POM121C: variants seen among roughly 807,000 people sequenced by gnomAD.
The protein encoded by POM121C is nuclear envelope pore membrane protein POM 121C.
A neutral mutation model predicts 66.4 loss-of-function variants in POM121C; 20 were observed. The ratio of observed to expected loss-of-function variants is 0.30; its 90% CI spans 0.21 to 0.44. POM121C has a LOEUF of 0.44. POM121C is among the 20% of genes least tolerant of loss of function. POM121C has a pLI of 1.00. For synonymous variants in POM121C, 286 were observed against 528.0 expected, an observed-to-expected ratio of 0.54 and a Z score of 6.28; for missense variants, 580 against 1,225.7, an observed-to-expected ratio of 0.47 and a Z score of 7.87.
intron 7 of POM121C, among the ~76,000 whole-genome samples, chr7:75,433,440 C>A (rs1554472637): frequency 6.6e-6 from 1 of 151,892 alleles, no homozygotes; most frequent in Non-Finnish European, 1.5e-5. Context: ...ACTGCAAGCT[C>A]CGCCTCCCGG....
intron 3 of POM121C, among the ~76,000 whole-genome samples, chr7:75,464,054 TC>T (rs1791538080): frequency 7.0e-6 from 1 of 143,248 alleles, no homozygotes; most frequent in Non-Finnish European, 1.5e-5. Context: ...GAGGTGTGAG[TC>T]ACTGTGCCTG....
At chr7:75,428,670 A>G (rs1790053889) in intron 7 of POM121C, among the ~76,000 whole-genome samples, 1 of 152,220 alleles carries the variant, frequency 6.6e-6, no homozygotes. Context: ...CACATCACTG[A>G]GCAAGCAAGG....
intron 5 of POM121C, among the ~76,000 whole-genome samples, chr7:75,439,575 G>A (rs1253142992): frequency 2.0e-5 from 3 of 152,072 alleles, no homozygotes; most frequent in Admixed American, 6.6e-5. Flanking sequence ...TTGTACAGGC[G>A]AGGGCTCCCT....
intron 3 of POM121C, chr7:75,442,648 C>T (rs1359111047): frequency 6.8e-7 from 1 of 1,478,020 alleles, no homozygotes; most frequent in East Asian, 2.8e-5. Flanking sequence ...AGCCCCGGCC[C>T]CGGCCGTCCC....
chr7:75,479,437 G>A (rs587638750), intron 1 of POM121C, among the ~76,000 whole-genome samples: 6 of 148,942 alleles, frequency 4.0e-5, no homozygotes, highest in South Asian at 2.1e-4. Context: ...CCAACATGGC[G>A]AAACCTCGTC....
At position 75,474,839 on chromosome 7, in the gene POM121C, C is replaced by T. The variant is rs587728779; in HGVS notation, c.-287G>A. ...AGAAGAAGGACTTGGGCAAGTTGCT[C>T]GGCTTCAGAATCTCCGAAGTACAAG... On this transcript the variant is annotated 5_prime_UTR_variant, in exon 3 of 15. Transcript: ENST00000615331. 8.6e-4 allele frequency: 1,118 copies of T among 1,303,502 alleles called. 4 individuals are homozygous for T. In the African/African-American group the frequency reaches 0.013, roughly 16 times the overall value. 80.7% of individuals were successfully genotyped at this position (1,303,502 alleles called of 1,614,324 possible).
rs587639531 is a variant in POM121C at position 75,457,287 on chromosome 7, C to T, written c.-151-15640G>A. Among the ~76,000 whole-genome samples, 309 of 148,738 alleles carry T rather than the reference C, an allele frequency of 2.1e-3. 2 individuals are homozygous for T. The highest frequency in any genetic ancestry group is 6.8e-3 in the Middle Eastern group (2 of 292). On this transcript the variant is annotated intron_variant, in intron 3 of 14. Coordinates refer to ENST00000615331, the MANE Select transcript of POM121C (RefSeq NM_001099415.3). ...AGAAGGGCTGACCCAGTGGTGAGTT[C>T]CCAGGGTGGTTTGATGGTTTGTTCT...
At chr7:75,442,412 T>G (rs1410304777) in intron 3 of POM121C, 3 of 1,440,960 alleles carry the variant, frequency 2.1e-6, no homozygotes, top group Non-Finnish European at 9.1e-7. Flanking sequence ...GAGGTTTCCG[T>G]TGGCTGTCGA....
intron 1 of POM121C, among the ~76,000 whole-genome samples, chr7:75,476,882 C>T (rs1792099792): frequency 6.6e-6 from 1 of 151,698 alleles, no homozygotes; most frequent in East Asian, 1.9e-4. Flanking sequence ...GCCACTATAA[C>T]ACAGCAAAGA....
chr7:75,461,810 A>C (rs1470783169), intron 3 of POM121C, among the ~76,000 whole-genome samples: 1 of 152,040 alleles, frequency 6.6e-6, no homozygotes, highest in African/African-American at 2.4e-5. Flanking sequence ...AGAAACCAGA[A>C]AATCTCTAAA....
chr7:75,454,674 A>G (rs1340936327), intron 3 of POM121C, among the ~76,000 whole-genome samples: 2 of 152,266 alleles, frequency 1.3e-5, no homozygotes, highest in African/African-American at 4.8e-5. Flanking sequence ...AATCTGCCCA[A>G]TCTTATCCAG....
intron 3 of POM121C, among the ~76,000 whole-genome samples, chr7:75,471,681 G>T (rs1791884481): frequency 6.6e-6 from 1 of 152,060 alleles, no homozygotes; most frequent in Non-Finnish European, 1.5e-5. Flanking sequence ...CAAGGGAGTG[G>T]GAGCACAGTA....
At position 75,463,453 on chromosome 7, in the gene POM121C, T is replaced by TC. The variant is rs200111523; in HGVS notation, c.-152+11250_-152+11251insG. Reference sequence around the variant, plus strand: ...GATGGAAAGAGCTGGGTTTTTCTTTTTTTTTTTTTTTTTTTTACCTTTGGC... The same window carrying TC: ...GATGGAAAGAGCTGGGTTTTTCTTTTCTTTTTTTTTTTTTTTTACCTTTGGC... On this transcript the variant is annotated intron_variant, in intron 3 of 14. Transcript: ENST00000615331. Among the ~76,000 whole-genome samples, 6 of 149,964 alleles carry TC rather than the reference T, an allele frequency of 4.0e-5. No homozygotes were observed. The East Asian group carries it at 7.7e-4, about 19-fold the overall frequency.
chr7:75,439,364 A>G (rs186509786), intron 5 of POM121C, 140 bp from the exon 6 acceptor site: 2 of 1,309,740 alleles, frequency 1.5e-6, no homozygotes, highest in Non-Finnish European at 2.1e-6. Flanking sequence ...GTTGTTTAAA[A>G]TCCCTAAGTT....
chr7:75,449,366 C>CTT (rs782264870), intron 3 of POM121C, among the ~76,000 whole-genome samples: 11 of 135,598 alleles, frequency 8.1e-5, no homozygotes, highest in African/African-American at 1.4e-4. Flanking sequence ...TGTTCTCTCT[C>CTT]TTTTTTTTTT....
intron 3 of POM121C, among the ~76,000 whole-genome samples, chr7:75,462,174 G>A (rs1386512548): frequency 1.6e-4 from 24 of 148,530 alleles, no homozygotes; most frequent in Admixed American, 5.4e-4. Context: ...GGCGCGGTTT[G>A]CCCTATGCTG....
At chr7:75,465,104 C>G (rs1357412280) in intron 3 of POM121C, among the ~76,000 whole-genome samples, 2 of 151,114 alleles carry the variant, frequency 1.3e-5, no homozygotes, top group Admixed American at 1.3e-4. Flanking sequence ...AAGCAATTCT[C>G]CTGCCTCAGC....
chr7:75,431,131 A>G (rs1409905857), intron 7 of POM121C, among the ~76,000 whole-genome samples: 1 of 151,838 alleles, frequency 6.6e-6, no homozygotes, highest in African/African-American at 2.4e-5. Flanking sequence ...GGCATCTCAC[A>G]AAAGAGGCTA....
intron 3 of POM121C, among the ~76,000 whole-genome samples, chr7:75,473,014 T>G (rs1217366691): frequency 6.6e-6 from 1 of 152,240 alleles, no homozygotes; most frequent in African/African-American, 2.4e-5. Flanking sequence ...GCTGACGATC[T>G]GCAAGGCATT....
Sources: allele counts gnomAD v4.1 joint callset (sites outside exome capture counted in the v4.1 genomes callset), GRCh38; gene constraint gnomAD v4.1.1; transcripts MANE v1.5; gene names NCBI Gene and HGNC (gene_info 2026-07-23, HGNC 2026-07-21).